The following LAMA3 variants were observed in gnomAD, a reference collection of about 807,000 sequenced individuals.
The protein encoded by LAMA3 is laminin subunit alpha-3.
LAMA3 carries 281 observed loss-of-function variants against 402.0 expected under a neutral mutation model. The ratio of observed to expected loss-of-function variants is 0.70; its 90% CI spans 0.63 to 0.77. The LOEUF is 0.77. Ranked by LOEUF, LAMA3 falls within the 30% of genes least tolerant of loss-of-function variation. LAMA3 has a pLI of 0.00. For missense variants in LAMA3, 3,840 were observed against 4,215.5 expected (o/e 0.91, Z 2.47); for synonymous variants, 1,431 against 1,558.4 (o/e 0.92, Z 1.93).
In LAMA3 at chr18:23,689,591, TG is replaced by T; in HGVS notation, c.-91del. 8.6e-7 allele frequency: 1 copy of T among 1,164,774 alleles called. No individual in the cohort carries two copies. Among genetic ancestry groups the T allele is most frequent in the Non-Finnish European group, 1.1e-6 (1 of 929,598 alleles). 72.2% of individuals were successfully genotyped at this position (1,164,774 alleles called of 1,614,324 possible). A position where few individuals can be genotyped will look rare whatever the true frequency, so the allele number is the denominator to read the frequency against. ...CCCATATCCCCGGCTGCGCTAGTCC[TG>T]GCGCTGCAGGTCCGGGAGGCGCAGG... On this transcript the variant is annotated 5_prime_UTR_variant, in exon 1 of 75. Transcript: ENST00000313654.
intron 23 of LAMA3, among the ~76,000 whole-genome samples, chr18:23,832,712 T>A (rs2063510824): frequency 6.6e-6 from 1 of 152,172 alleles, no homozygotes; most frequent in Non-Finnish European, 1.5e-5. Context: ...ACAACCTGTG[T>A]CCCTCAATAA....
chr18:23,798,562 G>A (rs1321108660), intron 12 of LAMA3, among the ~76,000 whole-genome samples: 1 of 152,144 alleles, frequency 6.6e-6, no homozygotes, highest in Non-Finnish European at 1.5e-5. Context: ...GCCTTTCCAG[G>A]GCAAAACCAG....
chr18:23,812,985 AAAACTTG>A (rs2063102992), intron 13 of LAMA3, 65 bp from the exon 14 acceptor site: 2 of 1,069,958 alleles, frequency 1.9e-6, no homozygotes, highest in South Asian at 2.5e-5. Flanking sequence ...CAAAACGTTT[AAAACTTG>A]AAACATCAAA....
Position 23,928,247 on chromosome 18 carries a change from G to GA in LAMA3, c.8295+10dup. The GA allele has an allele frequency of 6.4e-7, 1 of 1,556,474 alleles. No homozygotes were observed. The highest frequency in any genetic ancestry group is 8.9e-7 in the Non-Finnish European group (1 of 1,127,642). On this transcript the variant is annotated splice_region_variant and intron_variant, in intron 63 of 74. Transcript: ENST00000313654. ...GTGCTCGGAAGACTGGAAGGTAAGT[G>GA]AAAGTTCAGAACCTCGTGAAGGAGT...
Position 23,826,750 on chromosome 18 carries a change from C to A in LAMA3, c.2620C>A (p.Gln874Lys). Residue 874 changes from glutamine to lysine, a missense_variant, in exon 22 of 75, where the codon CAG (glutamine) becomes AAG (lysine). Gln to Lys is a moderately conservative substitution (Grantham distance 53). Around this residue, in one of 3 missense-constraint regions of LAMA3, gnomAD observed 2,109 missense variants for 2,376.0 expected, o/e 0.89. Coordinates refer to ENST00000313654, the MANE Select transcript of LAMA3 (RefSeq NM_198129.4). ...GGACTACTATGAAGCCTCTGTACTG[C>A]AGCTGCCAGTCACAGAACCATGTGC... is the stretch of plus-strand genomic sequence containing the variant. ...PRDYYEASVLQLPVTEPCAYA... is the reference protein window; with the variant it reads ...PRDYYEASVLKLPVTEPCAYA... 6.4e-7 allele frequency: 1 copy of A among 1,566,982 alleles called. No homozygotes were observed. The highest frequency in any genetic ancestry group is 1.2e-5 in the South Asian group (1 of 85,210).
At chr18:23,726,771 C>T (rs1370166719) in intron 2 of LAMA3, among the ~76,000 whole-genome samples, 1 of 152,062 alleles carries the variant, frequency 6.6e-6, no homozygotes, top group Admixed American at 6.5e-5. Context: ...GTGTCCGCCA[C>T]TGCGCCTGGC....
rs758518301 is a variant in LAMA3, at chr18:23,901,291, C to A, written c.6169C>A (p.Gln2057Lys). 1.1e-5 allele frequency: 18 copies of A among 1,614,094 alleles called. No individual in the cohort carries two copies. In the South Asian group the frequency reaches 2.0e-4, roughly 18 times the overall value. Reference sequence around the variant, plus strand: ...AGCCAAGCAGGCAAATGGCTTGAACCAAGAAAACGAGAGAGCTTTGGGAGC... The same window carrying A: ...AGCCAAGCAGGCAAATGGCTTGAACAAAGAAAACGAGAGAGCTTTGGGAGC... ...AQAKQANGLN[Q>K]ENERALGAIQ... is the part of the protein sequence containing the mutation. Residue 2057 changes from glutamine to lysine, a missense_variant, in exon 48 of 75, where the codon CAA (glutamine) becomes AAA (lysine). Physicochemically the swap from Gln to Lys is moderately conservative, Grantham distance 53. Around this residue, in one of 3 missense-constraint regions of LAMA3, gnomAD observed 891 missense variants for 857.5 expected, o/e 1.04. Coordinates refer to ENST00000313654, the MANE Select transcript of LAMA3 (RefSeq NM_198129.4).
Position 23,943,821 on chromosome 18 carries a change from C to T in LAMA3, c.9060C>T (p.Ser3020=). 6.2e-7 allele frequency: 1 copy of T among 1,614,000 alleles called. No homozygotes were observed. The highest frequency in any genetic ancestry group is 1.1e-5 in the South Asian group (1 of 91,076). The change falls in exon 69 of 75, where the codon TCC becomes TCT. Residue 3020 remains serine (S), a synonymous_variant. Transcript: ENST00000313654. The part of the protein sequence containing the change: ...SQFAVDMQTT[S]SRGLVFHTGT... ...TTGCTGTGGACATGCAGACAACATC[C>T]TCCAGAGGACTGGTGTTTCACACGG...
rs375719625 is a variant in LAMA3 at position 23,762,192 on chromosome 18, G to T, written c.1064-1213G>T. On this transcript the variant is annotated intron_variant, in intron 7 of 74. Transcript: ENST00000313654. ...GACCACACCACTACACTCCATCTGG[G>T]TGACAGTGAGATCCTGTTGCAAAAG... is the stretch of plus-strand genomic sequence containing the variant. Among the ~76,000 whole-genome samples the T allele has an allele frequency of 8.3e-4, 126 of 152,184 alleles. 3 individuals carry two copies. In the South Asian group the frequency reaches 0.026, roughly 31 times the overall value.
chr18:23,773,090 G>A (rs991602097), intron 8 of LAMA3, among the ~76,000 whole-genome samples: 3 of 152,226 alleles, frequency 2.0e-5, no homozygotes, highest in Admixed American at 1.3e-4. Context: ...ATTGGAGAAG[G>A]TGTAAATGCA....
chr18:23,714,103 A>G (rs777716821), intron 2 of LAMA3, 31 bp downstream of exon 2: 13 of 1,595,104 alleles, frequency 8.1e-6, no homozygotes, highest in Non-Finnish European at 1.1e-5. Context: ...GAATGGGAAC[A>G]TGAGCTTAGA....
chr18:23,706,695 C>T (rs1405718780), intron 1 of LAMA3, among the ~76,000 whole-genome samples: 1 of 152,092 alleles, frequency 6.6e-6, no homozygotes, highest in East Asian at 1.9e-4. Flanking sequence ...GTATGTATTT[C>T]TGTTGAGAGT....
Position 23,863,218 on chromosome 18 carries a change from C to T in LAMA3, c.4584+1411C>T, listed in dbSNP as rs191911848. 2.3e-3 allele frequency among the ~76,000 whole-genome samples: 355 copies of T among 152,298 alleles called. 3 individuals carry two copies. Among genetic ancestry groups the T allele is most frequent in the African/African-American group, 7.9e-3 (330 of 41,568 alleles). On this transcript the variant is annotated intron_variant, in intron 35 of 74. Coordinates refer to ENST00000313654, the MANE Select transcript of LAMA3 (RefSeq NM_198129.4). ...CAGCACTTTGGGAGGCCGAGACAAGCGGATCATCTGAGGTCAGGAGTTTGA... is the reference window on the plus strand; with the variant it reads ...CAGCACTTTGGGAGGCCGAGACAAGTGGATCATCTGAGGTCAGGAGTTTGA...
At chr18:23,777,755 C>T in intron 11 of LAMA3, 136 bp downstream of exon 11, 2 of 735,730 alleles carry the variant, frequency 2.7e-6, no homozygotes, top group Admixed American at 4.0e-5. Flanking sequence ...CAGGTGTCTC[C>T]TAGTTGACCT....
chr18:23,744,810 C>A (rs891373220), intron 2 of LAMA3, among the ~76,000 whole-genome samples: 1 of 118,514 alleles, frequency 8.4e-6, no homozygotes, highest in African/African-American at 3.5e-5. Context: ...CCAGCCTGGG[C>A]GACAGAGCAA....
chr18:23,738,677 C>T (rs919183899), intron 2 of LAMA3, among the ~76,000 whole-genome samples: 8 of 152,168 alleles, frequency 5.3e-5, no homozygotes, highest in Admixed American at 3.9e-4. Flanking sequence ...CCTGACCACA[C>T]GTCAGCCCTG....
At chr18:23,900,081 G>GTT (rs1290726330) in intron 47 of LAMA3, among the ~76,000 whole-genome samples, 2 of 151,682 alleles carry the variant, frequency 1.3e-5, no homozygotes, top group African/African-American at 4.8e-5. Flanking sequence ...GTGTGTGTGT[G>GTT]TGTGTATGTG....
intron 1 of LAMA3, 132 bp from the exon 2 acceptor site, chr18:23,713,788 G>T: frequency 1.3e-6 from 1 of 762,026 alleles, no homozygotes; most frequent in Non-Finnish European, 2.1e-6. Context: ...AATTTTAACA[G>T]CTGACTTCTC....
chr18:23,905,681 G>A, intron 52 of LAMA3, 57 bp downstream of exon 52: 2 of 962,292 alleles, frequency 2.1e-6, no homozygotes, highest in Non-Finnish European at 3.4e-6. Context: ...TGACCTCTGG[G>A]ACCAGGTGGG....
Sources: allele counts gnomAD v4.1 joint callset (sites outside exome capture counted in the v4.1 genomes callset), GRCh38; gene constraint gnomAD v4.1.1; regional missense constraint gnomAD v4.1.1; transcripts MANE v1.5; gene names NCBI Gene and HGNC (gene_info 2026-07-23, HGNC 2026-07-21).